Variants in EEPD1 observed in about 807,000 individuals in gnomAD.
EEPD1 encodes endonuclease/exonuclease/phosphatase family domain containing 1.
EEPD1 carries 17 observed loss-of-function variants against 46.3 expected under a neutral mutation model. The observed-to-expected ratio is 0.37, with a 90% CI of 0.25 to 0.55. The LOEUF (loss-of-function observed/expected upper bound fraction) is 0.55. EEPD1 is among the 20% of genes least tolerant of loss of function. The probability of loss-of-function intolerance (pLI) is 0.83; values close to 1 mark genes in which losing one functional copy is unlikely to be tolerated. For missense variants in EEPD1, 673 were observed against 745.6 expected (o/e 0.90, Z 1.13); for synonymous variants, 313 against 315.6 (o/e 0.99, Z 0.09).
chr7:36,211,651 G>T (rs900821954), intron 2 of EEPD1, among the ~76,000 whole-genome samples: 1 of 152,188 alleles, frequency 6.6e-6, no homozygotes, highest in African/African-American at 2.4e-5. Context: ...GTGGCTGGGC[G>T]TGGTGGCTCA....
In EEPD1 at chr7:36,154,221, A is replaced by C. The variant is rs1583773832; in HGVS notation, c.-104A>C. The C allele has an allele frequency of 7.2e-7, 1 of 1,387,512 alleles. No homozygotes were observed. Among genetic ancestry groups the C allele is most frequent in the Non-Finnish European group, 9.5e-7 (1 of 1,048,486 alleles). The allele number at this position is 1,387,512 out of a possible 1,614,324, so 86.0% of individuals were successfully genotyped here. A position where few individuals can be genotyped will look rare whatever the true frequency, so the allele number is the denominator to read the frequency against. ...AACCTCTTCAGTCCCTGAATCCTGC[A>C]CCTTCCGTTTTTCTGTGCTTGTACG... is the stretch of plus-strand genomic sequence containing the variant. On this transcript the variant is annotated 5_prime_UTR_variant, in exon 2 of 8. Coordinates refer to ENST00000242108, the MANE Select transcript of EEPD1 (RefSeq NM_030636.3). This position sits in a 1 kb window ranked among gnomAD's most constrained non-coding sequence, Gnocchi z 4.2.
chr7:36,216,847 A>G (rs574540625), intron 2 of EEPD1, among the ~76,000 whole-genome samples: 2 of 152,362 alleles, frequency 1.3e-5, no homozygotes, highest in South Asian at 4.1e-4. Flanking sequence ...TATGATTCCC[A>G]TTTTATTAAA....
rs71553053 is a variant in EEPD1 at position 36,252,829 on chromosome 7, C to CTTTT, written c.930+13820_930+13823dup. On this transcript the variant is annotated intron_variant, in intron 3 of 7. Coordinates refer to ENST00000242108, the MANE Select transcript of EEPD1 (RefSeq NM_030636.3). ...GGTGTGATAGCATGAGTGTTCTCTC[C>CTTTT]TTTTTTTTTTTTTTTTTTTTTTTTT... 6.2e-4 allele frequency among the ~76,000 whole-genome samples: 34 copies of CTTTT among 54,896 alleles called. 2 individuals are homozygous for CTTTT. Among genetic ancestry groups the CTTTT allele is most frequent in the East Asian group, 2.2e-3 (3 of 1,346 alleles). 36.0% of individuals were successfully genotyped at this position (54,896 alleles called of 152,430 possible). A position where few individuals can be genotyped will look rare whatever the true frequency, so the allele number is the denominator to read the frequency against.
At chr7:36,190,806 C>T (rs974968406) in intron 2 of EEPD1, among the ~76,000 whole-genome samples, 15 of 152,192 alleles carry the variant, frequency 9.9e-5, no homozygotes, top group African/African-American at 3.1e-4. Flanking sequence ...TTGGTTATCC[C>T]AGGTTACTGT....
At chr7:36,170,918 CTTTTG>C (rs1562672538) in intron 2 of EEPD1, among the ~76,000 whole-genome samples, 1 of 152,054 alleles carries the variant, frequency 6.6e-6, no homozygotes, top group Admixed American at 6.5e-5. Flanking sequence ...TTCCATGCTT[CTTTTG>C]TTTTGTTTTG....
rs1330590516 is a variant in EEPD1 at position 36,154,052 on chromosome 7, C to T, written c.-192-81C>T. Reference sequence around the variant, plus strand: ...GCCACCAGTCCCCGACTCCTGGTTACTAACTCTAGCACTAGGTAGGGGGTG... The same window carrying T: ...GCCACCAGTCCCCGACTCCTGGTTATTAACTCTAGCACTAGGTAGGGGGTG... On this transcript the variant is annotated intron_variant, in intron 1 of 7. Transcript: ENST00000242108. The surrounding 1 kb of genome is among the most constrained non-coding windows in gnomAD (Gnocchi z 4.2). 4.1e-6 allele frequency: 2 copies of T among 483,074 alleles called. No individual in the cohort carries two copies. The highest frequency in any genetic ancestry group is 1.9e-5 in the African/African-American group (1 of 51,588). 29.9% of individuals were successfully genotyped at this position (483,074 alleles called of 1,614,324 possible).
intron 2 of EEPD1, among the ~76,000 whole-genome samples, chr7:36,190,065 T>C (rs1363162733): frequency 6.6e-6 from 1 of 152,144 alleles, no homozygotes; most frequent in Non-Finnish European, 1.5e-5. Context: ...GCATGGTGCT[T>C]GGCATGTACA....
chr7:36,187,040 C>G (rs1785369869), intron 2 of EEPD1, among the ~76,000 whole-genome samples: 1 of 116,620 alleles, frequency 8.6e-6, no homozygotes, highest in Admixed American at 9.9e-5. Context: ...ACCCATTCAC[C>G]TTGTCCTTCT....
intron 2 of EEPD1, among the ~76,000 whole-genome samples, chr7:36,213,283 G>A (rs780427187): frequency 6.6e-6 from 1 of 152,226 alleles, no homozygotes; most frequent in East Asian, 1.9e-4. Context: ...CTTTTTAGAT[G>A]TGGTGGATGA....
At chr7:36,283,368 G>T (rs923314256) in intron 4 of EEPD1, among the ~76,000 whole-genome samples, 2 of 152,194 alleles carry the variant, frequency 1.3e-5, no homozygotes, top group African/African-American at 2.4e-5. Flanking sequence ...AGGCCCCACC[G>T]CAGAGGCTTC....
intron 2 of EEPD1, among the ~76,000 whole-genome samples, chr7:36,233,696 C>T (rs552973777): frequency 9.5e-4 from 145 of 152,252 alleles, no homozygotes; most frequent in African/African-American, 3.4e-3. Flanking sequence ...GAGGAGATGG[C>T]ACTCCCAGTT....
intron 3 of EEPD1, among the ~76,000 whole-genome samples, chr7:36,244,977 G>A (rs189033138): frequency 1.1e-4 from 16 of 151,082 alleles, no homozygotes; most frequent in Middle Eastern, 6.8e-3. Context: ...ATGGAGTCTC[G>A]CTCTGTTGCC....
chr7:36,236,490 CTT>C (rs1786446057), intron 2 of EEPD1, among the ~76,000 whole-genome samples: 1 of 152,222 alleles, frequency 6.6e-6, no homozygotes, highest in South Asian at 2.1e-4. Flanking sequence ...CGTTTCCCCT[CTT>C]TTCCTCTTGA....
intron 2 of EEPD1, among the ~76,000 whole-genome samples, chr7:36,179,316 G>T (rs961353893): frequency 3.3e-5 from 5 of 152,308 alleles, no homozygotes; most frequent in Middle Eastern, 3.4e-3. Context: ...TTTATAAGGT[G>T]TATAATATTA....
chr7:36,217,687 T>C (rs1352245412), intron 2 of EEPD1, among the ~76,000 whole-genome samples: 1 of 152,226 alleles, frequency 6.6e-6, no homozygotes, highest in East Asian at 1.9e-4. Context: ...TGTGCTCTTA[T>C]AATTGCTATT....
intron 3 of EEPD1, among the ~76,000 whole-genome samples, chr7:36,239,914 C>T (rs907716548): frequency 6.6e-6 from 1 of 152,176 alleles, no homozygotes; most frequent in Non-Finnish European, 1.5e-5. Context: ...AGCACCCAAA[C>T]GATATTCATT....
intron 2 of EEPD1, among the ~76,000 whole-genome samples, chr7:36,238,554 G>A (rs756158948): frequency 8.5e-5 from 13 of 152,152 alleles, no homozygotes; most frequent in South Asian, 4.1e-4. Context: ...CATCTGTGGC[G>A]TGGCATGTAT....
chr7:36,280,536 C>T (rs1562711342), intron 3 of EEPD1, among the ~76,000 whole-genome samples: 1 of 152,234 alleles, frequency 6.6e-6, no homozygotes, highest in African/African-American at 2.4e-5. Flanking sequence ...GTGACAGTCA[C>T]TTTACAGCCA....
chr7:36,156,775 C>A (rs1417436153), intron 2 of EEPD1, among the ~76,000 whole-genome samples: 1 of 152,180 alleles, frequency 6.6e-6, no homozygotes, highest in Non-Finnish European at 1.5e-5. Context: ...TTTTAACACA[C>A]CCTCCAGGTG....
Sources: gnomAD v4.1 joint callset for allele counts (sites outside exome capture counted in the v4.1 genomes callset) on GRCh38, gnomAD v4.1.1 for gene constraint, Gnocchi (gnomAD v3.1) non-coding constraint, MANE v1.5 for transcripts, NCBI Gene and HGNC (gene_info 2026-07-23, HGNC 2026-07-21) for gene names.